MACIR: variants seen among roughly 807,000 people sequenced by gnomAD.
The protein encoded by MACIR is UNC119-binding protein C5orf30.
MACIR carries 4 observed loss-of-function variants against 14.3 expected under a neutral mutation model. The ratio of observed to expected loss-of-function variants is 0.28; its 90% CI spans 0.14 to 0.64. The LOEUF is 0.64. Ranked by LOEUF, MACIR falls within the 30% of genes least tolerant of loss-of-function variation. The pLI is 0.83. For missense variants in MACIR, 228 were observed against 257.6 expected (o/e 0.89, Z 0.79); for synonymous variants, 101 against 102.4 (o/e 0.99, Z 0.08).
intron 2 of MACIR, among the ~76,000 whole-genome samples, chr5:103,268,307 A>G (rs1009861922): frequency 6.6e-6 from 1 of 152,208 alleles, no homozygotes. Context: ...AGTAGCTAAA[A>G]TAACTACGCC....
intron 1 of MACIR, among the ~76,000 whole-genome samples, chr5:103,260,438 C>G (rs933946327): frequency 5.3e-5 from 8 of 150,180 alleles, no homozygotes; most frequent in Admixed American, 4.0e-4. Context: ...GAATGTGTCA[C>G]AGAATCCTCA....
In MACIR at chr5:103,276,038, C is replaced by G. The variant is rs1554237638; in HGVS notation, c.119C>G (p.Pro40Arg). The G allele has an allele frequency of 6.2e-7, 1 of 1,614,116 alleles. No individual in the cohort carries two copies. The highest frequency in any genetic ancestry group is 1.1e-5 in the South Asian group (1 of 91,082). The change falls in exon 3 of 3, where the codon CCC becomes CGC. Residue 40 changes from proline to arginine, a missense_variant. Pro to Arg is a moderately radical substitution (Grantham distance 103, BLOSUM62 -2). Transcript: ENST00000319933. The part of the protein sequence containing the change: ...EAEKPRCSST[P>R]CSPMRRTVSG... ...GAGAAGCCCCGCTGCTCCAGCACAC[C>G]CTGCTCCCCGATGCGGAGGACCGTG...
intron 2 of MACIR, among the ~76,000 whole-genome samples, chr5:103,268,558 T>C (rs1485746385): frequency 6.6e-6 from 1 of 152,150 alleles, no homozygotes; most frequent in Non-Finnish European, 1.5e-5. Flanking sequence ...AGAGTGAAAC[T>C]CTTCTATCTG....
intron 1 of MACIR, among the ~76,000 whole-genome samples, chr5:103,261,152 G>T (rs1429030669): frequency 6.6e-6 from 1 of 152,174 alleles, no homozygotes; most frequent in African/African-American, 2.4e-5. Context: ...GCTATTAAAA[G>T]AACTGATACT....
At chr5:103,261,701 T>TCTTTCTTTCTTTCTTC (rs1562545893) in intron 1 of MACIR, among the ~76,000 whole-genome samples, 8 of 116,194 alleles carry the variant, frequency 6.9e-5, no homozygotes, top group African/African-American at 2.9e-4. Flanking sequence ...TTTCTTTCTT[T>TCTTTCTTTCTTTCTTC]CTTCCTTTCT....
rs552955000 is a variant in MACIR, at chr5:103,275,357, C to A, written c.-23-540C>A. ...TTTTAGGTCTAAATTGGATTCCTTGCAGAAATTCGTCAGCTCAATCAACTT... is the reference window on the plus strand; with the variant it reads ...TTTTAGGTCTAAATTGGATTCCTTGAAGAAATTCGTCAGCTCAATCAACTT... On this transcript the variant is annotated intron_variant, in intron 2 of 2. Coordinates refer to ENST00000319933, the MANE Select transcript of MACIR (RefSeq NM_033211.4). 2.6e-5 allele frequency among the ~76,000 whole-genome samples: 4 copies of A among 152,256 alleles called. No homozygotes were observed. In the East Asian group the frequency reaches 7.7e-4, roughly 29 times the overall value.
chr5:103,259,525 C>T (rs1554236007), intron 1 of MACIR: 2 of 152,262 alleles, frequency 1.3e-5, no homozygotes, highest in African/African-American at 4.8e-5. Context: ...TGCCCGGCCG[C>T]GCTCAGGGTG....
In MACIR at chr5:103,278,123, G is replaced by T. The variant is rs189647723; in HGVS notation, c.*1583G>T. 24 of 167,016 alleles carry T rather than the reference G, an allele frequency of 1.4e-4. No individual in the cohort carries two copies. The highest frequency in any genetic ancestry group is 7.3e-5 in the Non-Finnish European group (5 of 68,106). 10.3% of individuals were successfully genotyped at this position (167,016 alleles called of 1,614,324 possible). On this transcript the variant is annotated 3_prime_UTR_variant, in exon 3 of 3. Coordinates refer to ENST00000319933, the MANE Select transcript of MACIR (RefSeq NM_033211.4). Reference sequence around the variant, plus strand: ...TCTTACTAAGTTGATCAGATTTCTCGTTGGGCTGGAAATGTTTCGCTGTTG... The same window carrying T: ...TCTTACTAAGTTGATCAGATTTCTCTTTGGGCTGGAAATGTTTCGCTGTTG...
chr5:103,267,306 T>C (rs1158002530), intron 2 of MACIR, among the ~76,000 whole-genome samples: 1 of 152,206 alleles, frequency 6.6e-6, no homozygotes, highest in Non-Finnish European at 1.5e-5. Context: ...TAATACCTAT[T>C]ACAATGTAAA....
At chr5:103,267,685 G>A (rs562144095) in intron 2 of MACIR, among the ~76,000 whole-genome samples, 3 of 152,152 alleles carry the variant, frequency 2.0e-5, no homozygotes, top group Non-Finnish European at 2.9e-5. Context: ...TCTGAAACGT[G>A]GAAATATGTG....
intron 1 of MACIR, among the ~76,000 whole-genome samples, chr5:103,263,517 A>G (rs1804807889): frequency 6.6e-6 from 1 of 152,166 alleles, no homozygotes; most frequent in South Asian, 2.1e-4. Flanking sequence ...TCAAATCCAG[A>G]CTAAAGTTTT....
intron 2 of MACIR, among the ~76,000 whole-genome samples, chr5:103,267,411 T>C (rs1347597456): frequency 6.6e-6 from 1 of 152,128 alleles, no homozygotes; most frequent in Non-Finnish European, 1.5e-5. Flanking sequence ...TTTTGCTTTT[T>C]CAAATATTTT....
At chr5:103,270,213 A>C (rs1435091697) in intron 2 of MACIR, among the ~76,000 whole-genome samples, 1 of 152,228 alleles carries the variant, frequency 6.6e-6, no homozygotes, top group Non-Finnish European at 1.5e-5. Context: ...ATCCATATAA[A>C]AACCAGAAAC....
In MACIR at chr5:103,275,939, G is replaced by T. The variant is rs1418281992; in HGVS notation, c.20G>T (p.Gly7Val). ...CTTAAAATGGAAGTCGATATTAATG[G>T]AGAGTCTAGAAGTACCCTGACCACC... The part of the protein sequence containing the change: MEVDIN[G>V]ESRSTLTTLP... Residue 7 changes from glycine to valine, a missense_variant, in exon 3 of 3, where the codon GGA becomes GTA. Transcript: ENST00000319933. The T allele has an allele frequency of 1.2e-6, 2 of 1,612,426 alleles. No homozygotes were observed. Among genetic ancestry groups the T allele is most frequent in the South Asian group, 1.1e-5 (1 of 91,038 alleles).
At chr5:103,269,202 T>A (rs1805038257) in intron 2 of MACIR, among the ~76,000 whole-genome samples, 1 of 152,092 alleles carries the variant, frequency 6.6e-6, no homozygotes, top group Non-Finnish European at 1.5e-5. Context: ...AGCAAGACCC[T>A]GTGTCTAAAC....
chr5:103,275,749 G>A (rs1415424914), intron 2 of MACIR, 148 bp from the exon 3 acceptor site: 5 of 645,940 alleles, frequency 7.7e-6, no homozygotes, highest in Admixed American at 3.1e-5. Context: ...GCTCTGAAAC[G>A]TTTAGTAGAC....
In MACIR at chr5:103,261,638, T is replaced by TTTTCTTTCTTTCTTTC. The variant is rs781826997; in HGVS notation, c.-114+2793_-114+2808dup. On this transcript the variant is annotated intron_variant, in intron 1 of 2. Coordinates refer to ENST00000319933, the MANE Select transcript of MACIR (RefSeq NM_033211.4). The stretch of plus-strand genomic sequence containing the variant: ...CTCTGAAAATACTACCTGTTTTTCT[T>TTTTCTTTCTTTCTTTC]TTTCTTTCTTTCTTTCTTTCTTTCT... Among the ~76,000 whole-genome samples the TTTTCTTTCTTTCTTTC allele has an allele frequency of 4.3e-4, 42 of 96,856 alleles. 1 individual carries two copies. Among genetic ancestry groups the TTTTCTTTCTTTCTTTC allele is most frequent in the Admixed American group, 2.0e-3 (19 of 9,286 alleles). The allele number at this position is 96,856 out of a possible 152,430, so 63.5% of individuals were successfully genotyped here.
At chr5:103,262,056 A>G (rs1405002354) in intron 1 of MACIR, among the ~76,000 whole-genome samples, 1 of 152,148 alleles carries the variant, frequency 6.6e-6, no homozygotes, top group Non-Finnish European at 1.5e-5. Flanking sequence ...TTGTATGGAC[A>G]TAAACATTTC....
chr5:103,259,078 G>A (rs1804561763), intron 1 of MACIR, 182 bp downstream of exon 1: 1 of 152,276 alleles, frequency 6.6e-6, no homozygotes, highest in Non-Finnish European at 1.5e-5. Context: ...TGCCCGCGGT[G>A]CTGGGGAAAC....
Sources: allele counts gnomAD v4.1 joint callset (sites outside exome capture counted in the v4.1 genomes callset), GRCh38; gene constraint gnomAD v4.1.1; transcripts MANE v1.5; gene names NCBI Gene and HGNC (gene_info 2026-07-23, HGNC 2026-07-21).